Variants in MID1 observed in about 807,000 individuals in gnomAD.
The protein encoded by MID1 is midline 1, also known as E3 ubiquitin-protein ligase Midline-1.
A neutral mutation model predicts 40.4 loss-of-function variants in MID1; 7 were observed. The observed-to-expected ratio is 0.17, with a 90% CI of 0.10 to 0.33. The LOEUF (loss-of-function observed/expected upper bound fraction) is 0.33. Among genes scored for constraint, MID1 ranks in the 10% least tolerant of loss-of-function variants. The pLI, the probability that MID1 is intolerant of heterozygous loss-of-function variation, is 1.00. For missense variants in MID1, 367 were observed against 558.5 expected, an observed-to-expected ratio of 0.66 and a Z score of 3.46; for synonymous variants, 229 against 221.2, an observed-to-expected ratio of 1.04 and a Z score of -0.31.
intron 1 of MID1, among the ~76,000 whole-genome samples, chrX:10,585,185 C>T (rs781664581): frequency 2.5e-4 from 28 of 111,530 alleles, no homozygotes; most frequent in Non-Finnish European, 3.6e-4. Flanking sequence ...CGTCTGGTTG[C>T]TAGGCGCCGG....
chrX:10,554,388 A>G (rs1029818511), intron 2 of MID1, among the ~76,000 whole-genome samples: 51 of 112,125 alleles, frequency 4.5e-4, no homozygotes, highest in African/African-American at 1.6e-3. Flanking sequence ...CAGCATCTTG[A>G]CAGATTACTC....
intron 1 of MID1, among the ~76,000 whole-genome samples, chrX:10,633,979 G>A (rs1374226062): frequency 9.1e-6 from 1 of 110,223 alleles, no homozygotes; most frequent in Non-Finnish European, 1.9e-5. Flanking sequence ...CACATCACAT[G>A]ACATAACTGC....
chrX:10,609,458 T>C (rs1032064786), intron 1 of MID1, among the ~76,000 whole-genome samples: 8 of 111,342 alleles, frequency 7.2e-5, no homozygotes, highest in Non-Finnish European at 9.4e-5. Flanking sequence ...CATTTAGTGA[T>C]TATTCTATAA....
At chrX:10,584,255 G>C (rs1458536359) in intron 1 of MID1, among the ~76,000 whole-genome samples, 2 of 112,021 alleles carry the variant, frequency 1.8e-5, no homozygotes, top group Non-Finnish European at 3.8e-5. Flanking sequence ...TGCTGCATTG[G>C]GGATTAAGTT....
rs1197314180 is a variant in MID1 at position 10,825,998 on chromosome X, A to G, written c.-187+7556T>C. ...GACCTAATTTTTAAAGATGGGGAAGATGAGATTCAGAGAAACTTAGCATCA... is the reference window on the plus strand; with the variant it reads ...GACCTAATTTTTAAAGATGGGGAAGGTGAGATTCAGAGAAACTTAGCATCA... On this transcript the variant is annotated intron_variant, in intron 1 of 10. Transcript: ENST00000380785. Among the ~76,000 whole-genome samples the G allele has an allele frequency of 6.3e-5, 7 of 111,489 alleles. No homozygotes were observed. The Admixed American group carries it at 6.7e-4, about 11-fold the overall frequency.
chrX:10,590,350 G>A (rs752009107), intron 1 of MID1, among the ~76,000 whole-genome samples: 1 of 111,416 alleles, frequency 9.0e-6, no homozygotes, highest in African/African-American at 3.3e-5. Context: ...AGTTGTAGGA[G>A]AATAAAGTTG....
At chrX:10,701,379 C>T (rs1475115703) in intron 1 of MID1, among the ~76,000 whole-genome samples, 1 of 111,826 alleles carries the variant, frequency 8.9e-6, no homozygotes, top group Non-Finnish European at 1.9e-5. Context: ...CTTTAGCATG[C>T]TTAGAAGGAC....
rs1157401550 is a variant in MID1, at chrX:10,758,483, C to CTTTTTTTTTTT, written c.-187+75060_-187+75070dup. On this transcript the variant is annotated intron_variant, in intron 1 of 10. Transcript: ENST00000380785. ...CAGTACTTTTTCTTTCTTTTCTTTC[C>CTTTTTTTTTTT]TTTTTTTTTTTTTTTTTTTTTTTTT... 3.0e-4 allele frequency among the ~76,000 whole-genome samples: 19 copies of CTTTTTTTTTTT among 63,873 alleles called. 2 individuals carry two copies. The highest frequency in any genetic ancestry group is 1.0e-3 in the African/African-American group (13 of 12,766). The allele number at this position is 63,873 out of a possible 115,157, so 55.5% of individuals were successfully genotyped here. A position where few individuals can be genotyped will look rare whatever the true frequency, so the allele number is the denominator to read the frequency against.
chrX:10,822,228 C>G (rs915171513), intron 1 of MID1, among the ~76,000 whole-genome samples: 1 of 111,386 alleles, frequency 9.0e-6, no homozygotes, highest in African/African-American at 3.3e-5. Context: ...CTGACAAAAA[C>G]AAACAATGCG....
At chrX:10,715,535 C>A (rs1473574291) in intron 1 of MID1, among the ~76,000 whole-genome samples, 3 of 111,813 alleles carry the variant, frequency 2.7e-5, no homozygotes, top group African/African-American at 9.7e-5. Flanking sequence ...AGTAGGTAAA[C>A]AAAGCAGTCA....
At chrX:10,493,415 G>A (rs184318902) in intron 4 of MID1, among the ~76,000 whole-genome samples, 18 of 111,801 alleles carry the variant, frequency 1.6e-4, no homozygotes, top group African/African-American at 5.8e-4. Flanking sequence ...AACCCAGTGA[G>A]ATCGATTTTT....
At chrX:10,613,712 TATATATATATATATATATATAG>T (rs1935776935) in intron 1 of MID1, among the ~76,000 whole-genome samples, 1 of 50,567 alleles carries the variant, frequency 2.0e-5, no homozygotes, top group African/African-American at 1.0e-4. Context: ...TATATATATA[TATATATATATATATATATATAG>T]AGAGAGAGAG....
At chrX:10,757,273 GA>G (rs777973984) in intron 1 of MID1, among the ~76,000 whole-genome samples, 1 of 112,416 alleles carries the variant, frequency 8.9e-6, no homozygotes, top group African/African-American at 3.2e-5. Flanking sequence ...GCTGAAATTG[GA>G]TTACCGAGTT....
intron 1 of MID1, among the ~76,000 whole-genome samples, chrX:10,747,688 TA>T (rs1333860392): frequency 8.9e-6 from 1 of 112,206 alleles, no homozygotes; most frequent in Admixed American, 9.5e-5. Context: ...TGTGTGTTTT[TA>T]AAAATTTTCT....
chrX:10,730,470 T>C (rs1422539632), intron 1 of MID1, among the ~76,000 whole-genome samples: 1 of 111,216 alleles, frequency 9.0e-6, no homozygotes, highest in Non-Finnish European at 1.9e-5. Context: ...ATATATTGTG[T>C]AGTGGTGAAG....
chrX:10,823,127 G>A (rs1473962218), intron 1 of MID1, among the ~76,000 whole-genome samples: 2 of 111,957 alleles, frequency 1.8e-5, no homozygotes, highest in Admixed American at 9.5e-5. Context: ...ATACACCATG[G>A]AATACTATGC....
chrX:10,634,104 G>A (rs1361742920), intron 1 of MID1, among the ~76,000 whole-genome samples: 1 of 111,031 alleles, frequency 9.0e-6, no homozygotes, highest in African/African-American at 3.3e-5. Flanking sequence ...TGCCCTTTCT[G>A]GTAACAAATA....
intron 9 of MID1, among the ~76,000 whole-genome samples, chrX:10,452,871 A>G (rs1928432056): frequency 2.7e-5 from 3 of 112,236 alleles, no homozygotes; most frequent in Non-Finnish European, 5.6e-5. Flanking sequence ...CTATTCATCA[A>G]TGGCAATGAG....
intron 1 of MID1, among the ~76,000 whole-genome samples, chrX:10,772,788 AT>A (rs1375714715): frequency 9.1e-6 from 1 of 110,384 alleles, no homozygotes; most frequent in African/African-American, 3.3e-5. Flanking sequence ...ATTTGATTAT[AT>A]ATCTGTACAT....
Sources: gnomAD v4.1 joint callset for allele counts (sites outside exome capture counted in the v4.1 genomes callset) on GRCh38, gnomAD v4.1.1 for gene constraint, MANE v1.5 for transcripts, NCBI Gene and HGNC (gene_info 2026-07-23, HGNC 2026-07-21) for gene names.